Variants in TMEM132D observed in about 807,000 individuals in gnomAD.
TMEM132D encodes mature OL transmembrane protein.
Under a neutral mutation model 62.3 loss-of-function variants are expected in TMEM132D, and 21 were observed. The observed-to-expected ratio is 0.34, with a 90% CI of 0.24 to 0.49. The LOEUF (loss-of-function observed/expected upper bound fraction) is 0.49, where lower values mean the gene tolerates loss of function less well. TMEM132D is among the 20% of genes least tolerant of loss of function. TMEM132D has a pLI of 0.99. For synonymous variants in TMEM132D, 621 were observed against 575.6 expected, an observed-to-expected ratio of 1.08 and a Z score of -1.13; for missense variants, 1,346 against 1,402.8, an observed-to-expected ratio of 0.96 and a Z score of 0.65.
intron 4 of TMEM132D, among the ~76,000 whole-genome samples, chr12:129,287,970 C>T (rs1440469628): frequency 2.6e-5 from 4 of 152,136 alleles, no homozygotes; most frequent in Admixed American, 6.5e-5. Context: ...ATTTCAAAAT[C>T]GGGAAGTGTG....
In TMEM132D at chr12:129,107,423, C is replaced by T. The variant is rs868666494; in HGVS notation, c.1444-22721G>A. On this transcript the variant is annotated intron_variant, in intron 5 of 8. Transcript: ENST00000422113. ...TTTAATGATATATATTTCAACATGC[C>T]GTTTGAGCATGACCACGTGAGAAAA... Among the ~76,000 whole-genome samples, 12 of 152,232 alleles carry T rather than the reference C, an allele frequency of 7.9e-5. No individual in the cohort carries two copies. The Middle Eastern group carries it at 0.01, about 129-fold the overall frequency.
chr12:129,420,500 A>G (rs1872286434), intron 3 of TMEM132D, among the ~76,000 whole-genome samples: 1 of 152,064 alleles, frequency 6.6e-6, no homozygotes, highest in African/African-American at 2.4e-5. Flanking sequence ...ATAAATGAAG[A>G]AAACAGCAGG....
chr12:129,198,311 G>C (rs1438316094), intron 5 of TMEM132D, among the ~76,000 whole-genome samples: 1 of 152,068 alleles, frequency 6.6e-6, no homozygotes, highest in Non-Finnish European at 1.5e-5. Context: ...TCCCACTTCT[G>C]GGTATATACC....
chr12:129,421,065 G>A (rs1214801352), intron 3 of TMEM132D, among the ~76,000 whole-genome samples: 1 of 151,294 alleles, frequency 6.6e-6, no homozygotes, highest in Non-Finnish European at 1.5e-5. Flanking sequence ...GGGTTCAAGA[G>A]ATTCTCCTGC....
At chr12:129,180,255 A>C (rs1172450323) in intron 5 of TMEM132D, among the ~76,000 whole-genome samples, 3 of 151,164 alleles carry the variant, frequency 2.0e-5, no homozygotes, top group Non-Finnish European at 4.4e-5. Flanking sequence ...TGCACTTCAT[A>C]TTTGTTCTCA....
intron 1 of TMEM132D, among the ~76,000 whole-genome samples, chr12:129,824,479 A>G (rs905123): frequency 0.64 from 96,987 of 151,680 alleles, 31,396 homozygotes; most frequent in South Asian, 0.75. Flanking sequence ...CCCTCGCCCC[A>G]AGTATGACGG....
At chr12:129,577,617 G>A (rs2137123908) in intron 2 of TMEM132D, among the ~76,000 whole-genome samples, 1 of 150,992 alleles carries the variant, frequency 6.6e-6, no homozygotes, top group East Asian at 1.9e-4. Context: ...ACTAGTATCT[G>A]CATATATTAT....
chr12:129,104,078 C>T (rs1252965967), intron 5 of TMEM132D, among the ~76,000 whole-genome samples: 1 of 150,296 alleles, frequency 6.7e-6, no homozygotes, highest in African/African-American at 2.5e-5. Context: ...GAGCCTGCAT[C>T]GCCAAGTCAA....
intron 5 of TMEM132D, among the ~76,000 whole-genome samples, chr12:129,108,974 C>G (rs139926265): frequency 6.6e-6 from 1 of 152,302 alleles, no homozygotes; most frequent in African/African-American, 2.4e-5. Context: ...GTTTACCCCT[C>G]GATGCTCTAG....
chr12:129,303,742 C>T (rs1301921069), intron 4 of TMEM132D, among the ~76,000 whole-genome samples: 1 of 152,006 alleles, frequency 6.6e-6, no homozygotes, highest in African/African-American at 2.4e-5. Flanking sequence ...GCTGAGAAGT[C>T]CCATGATCTA....
At chr12:129,367,777 C>CTT (rs60004106) in intron 3 of TMEM132D, among the ~76,000 whole-genome samples, 4 of 122,298 alleles carry the variant, frequency 3.3e-5, no homozygotes, top group African/African-American at 1.3e-4. Context: ...CATTTCTTTT[C>CTT]TTTTTTTTTT....
At chr12:129,872,724 A>G (rs1874289001) in intron 1 of TMEM132D, among the ~76,000 whole-genome samples, 1 of 152,180 alleles carries the variant, frequency 6.6e-6, no homozygotes, top group South Asian at 2.1e-4. Flanking sequence ...TAATGTACCG[A>G]CGTAAGCTCC....
In TMEM132D at chr12:129,512,229, C is replaced by T. The variant is rs139455472; in HGVS notation, c.1115+18830G>A. On this transcript the variant is annotated intron_variant, in intron 3 of 8. Transcript: ENST00000422113. Reference sequence around the variant, plus strand: ...GGCTCTCACCCTATTCCTGTGTCTCCGGCATGCACCTGAATTGCAGCAACA... The same window carrying T: ...GGCTCTCACCCTATTCCTGTGTCTCTGGCATGCACCTGAATTGCAGCAACA... Among the ~76,000 whole-genome samples the T allele has an allele frequency of 8.0e-4, 122 of 152,270 alleles. 2 individuals carry two copies. In the South Asian group the frequency reaches 0.021, roughly 26 times the overall value.
intron 2 of TMEM132D, among the ~76,000 whole-genome samples, chr12:129,602,624 C>A (rs1878510874): frequency 6.6e-6 from 1 of 152,090 alleles, no homozygotes; most frequent in Non-Finnish European, 1.5e-5. Context: ...TTTCAACAGA[C>A]CTTGTTTTTC....
At chr12:129,193,884 A>T (rs1283710572) in intron 5 of TMEM132D, among the ~76,000 whole-genome samples, 2 of 152,224 alleles carry the variant, frequency 1.3e-5, no homozygotes, top group African/African-American at 2.4e-5. Context: ...ATGAAGTCAC[A>T]TTTTACCTAA....
rs373192224 is a variant in TMEM132D at position 129,331,492 on chromosome 12, T to C, written c.1299+6142A>G. ...CATTCTAATAACTAAAACTTAGTGG[T>C]CATAGCTGAGACCCAAAGCAAAATG... On this transcript the variant is annotated intron_variant, in intron 4 of 8. Coordinates refer to ENST00000422113, the MANE Select transcript of TMEM132D (RefSeq NM_133448.3). 2.6e-5 allele frequency among the ~76,000 whole-genome samples: 4 copies of C among 152,156 alleles called. No individual in the cohort carries two copies. The East Asian group carries it at 5.8e-4, about 22-fold the overall frequency.
intron 2 of TMEM132D, among the ~76,000 whole-genome samples, chr12:129,596,591 A>G (rs1382923902): frequency 2.0e-5 from 3 of 152,118 alleles, no homozygotes; most frequent in Non-Finnish European, 2.9e-5. Context: ...CCTTCTGTAT[A>G]CTTTAAATCA....
At chr12:129,810,130 C>T (rs537620376) in intron 1 of TMEM132D, among the ~76,000 whole-genome samples, 2 of 152,194 alleles carry the variant, frequency 1.3e-5, no homozygotes, top group Admixed American at 6.5e-5. Context: ...TTGGCGGTGC[C>T]GTATCACTAG....
At chr12:129,874,850 G>T (rs531775537) in intron 1 of TMEM132D, among the ~76,000 whole-genome samples, 5 of 151,980 alleles carry the variant, frequency 3.3e-5, no homozygotes, top group Admixed American at 6.5e-5. Flanking sequence ...ACAGGCGTGC[G>T]CCACCACGCC....
Sources: gnomAD v4.1 joint callset for allele counts (sites outside exome capture counted in the v4.1 genomes callset) on GRCh38, gnomAD v4.1.1 for gene constraint, MANE v1.5 for transcripts, NCBI Gene and HGNC (gene_info 2026-07-23, HGNC 2026-07-21) for gene names.